LPCAT2: variants seen among roughly 807,000 people sequenced by gnomAD.
LPCAT2 encodes lysophosphatidylcholine acyltransferase 2, also known as 1-AGP acyltransferase 11.
In LPCAT2, 58 loss-of-function variants were observed where a neutral mutation model predicts 64.7. The ratio of observed to expected loss-of-function variants is 0.90; its 90% confidence interval spans 0.73 to 1.12. The LOEUF is 1.12. Among genes scored for constraint, LPCAT2 ranks in the 50% most tolerant of loss-of-function variants. The pLI is 0.00. For missense variants in LPCAT2, 579 were observed against 669.8 expected (o/e 0.86, Z 1.50); for synonymous variants, 252 against 245.3 (o/e 1.03, Z -0.26).
chr16:55,561,006 C>G (rs776686081), intron 11 of LPCAT2, among the ~76,000 whole-genome samples: 44 of 152,032 alleles, frequency 2.9e-4, no homozygotes, highest in Non-Finnish European at 5.6e-4. Context: ...CCTAGGCAAG[C>G]ACCAATCAAC....
intron 1 of LPCAT2, among the ~76,000 whole-genome samples, chr16:55,520,405 GAAATAAATA>G (rs1963078694): frequency 6.6e-6 from 1 of 151,946 alleles, no homozygotes; most frequent in African/African-American, 2.4e-5. Flanking sequence ...ACTAAACAAA[GAAATAAATA>G]AAACATAATT....
At chr16:55,565,325 T>C (rs1963681788) in intron 11 of LPCAT2, among the ~76,000 whole-genome samples, 1 of 151,974 alleles carries the variant, frequency 6.6e-6, no homozygotes, top group Admixed American at 6.6e-5. Context: ...AAAAATAGAA[T>C]TATCATATGA....
In LPCAT2 at chr16:55,583,148, A is replaced by T; in HGVS notation, c.*50A>T. On this transcript the variant is annotated 3_prime_UTR_variant, in exon 14 of 14. Transcript: ENST00000262134. Reference sequence around the variant, plus strand: ...CACAGTAGCTTTTGCTTGAAATTGTAAAGGCACTTATTGATAATACTTTTA... The same window carrying T: ...CACAGTAGCTTTTGCTTGAAATTGTTAAGGCACTTATTGATAATACTTTTA... 3 of 1,396,864 alleles carry T rather than the reference A, an allele frequency of 2.1e-6. No individual in the cohort carries two copies. Among genetic ancestry groups the T allele is most frequent in the Non-Finnish European group, 3.0e-6 (3 of 1,014,790 alleles). The allele number at this position is 1,396,864 out of a possible 1,614,324, so 86.5% of individuals were successfully genotyped here. A position where few individuals can be genotyped will look rare whatever the true frequency, so the allele number is the denominator to read the frequency against.
intron 10 of LPCAT2, among the ~76,000 whole-genome samples, chr16:55,549,840 T>G (rs1452716006): frequency 2.0e-5 from 3 of 152,212 alleles, no homozygotes; most frequent in African/African-American, 7.2e-5. Flanking sequence ...AGATCTGCCT[T>G]TTTTTCTGGA....
At chr16:55,578,738 G>C (rs1299346383) in intron 12 of LPCAT2, among the ~76,000 whole-genome samples, 4 of 152,090 alleles carry the variant, frequency 2.6e-5, no homozygotes, top group African/African-American at 7.2e-5. Flanking sequence ...CTCCTGACTG[G>C]AGCCCCAGGC....
At chr16:55,580,096 A>C (rs1963872509) in intron 13 of LPCAT2, among the ~76,000 whole-genome samples, 1 of 152,132 alleles carries the variant, frequency 6.6e-6, no homozygotes, top group Admixed American at 6.6e-5. Context: ...GGCTGGATGG[A>C]GACTCCTCTT....
intron 9 of LPCAT2, among the ~76,000 whole-genome samples, chr16:55,546,857 G>A (rs1280310149): frequency 6.6e-6 from 1 of 151,972 alleles, no homozygotes; most frequent in Non-Finnish European, 1.5e-5. Context: ...ATTAGAAATT[G>A]AGAGAACTGG....
At chr16:55,567,636 T>G (rs2142414316) in intron 11 of LPCAT2, 2 of 881,276 alleles carry the variant, frequency 2.3e-6, no homozygotes, top group East Asian at 2.5e-5. Flanking sequence ...TACATATTTC[T>G]GATCATGTGC....
At chr16:55,567,940 G>A (rs904827613) in intron 11 of LPCAT2, among the ~76,000 whole-genome samples, 19 of 152,112 alleles carry the variant, frequency 1.2e-4, no homozygotes, top group Non-Finnish European at 2.5e-4. Flanking sequence ...AAGTTGAGGA[G>A]AGAGGTTCAA....
chr16:55,522,790 T>C (rs1473970187), intron 1 of LPCAT2, among the ~76,000 whole-genome samples: 4 of 151,584 alleles, frequency 2.6e-5, no homozygotes, highest in Admixed American at 2.0e-4. Context: ...CCATACTGCA[T>C]ACCACACAAA....
At chr16:55,562,136 A>G (rs1963643536) in intron 11 of LPCAT2, among the ~76,000 whole-genome samples, 1 of 151,856 alleles carries the variant, frequency 6.6e-6, no homozygotes, top group African/African-American at 2.4e-5. Flanking sequence ...CCCCCTTCCA[A>G]TCTGATTCCA....
chr16:55,535,455 T>G (rs1272710461), intron 7 of LPCAT2, among the ~76,000 whole-genome samples: 1 of 152,216 alleles, frequency 6.6e-6, no homozygotes, highest in East Asian at 1.9e-4. Flanking sequence ...TTAACACATA[T>G]GAAACACTTA....
chr16:55,559,508 C>T lies in LPCAT2; in HGVS notation c.1215+8406C>T, dbSNP rs115348664. ...GTGCCAATAATAACAAACATCCTTGCCTGCCCCTTCCTGTTACAGAATGTA... is the reference window on the plus strand; with the variant it reads ...GTGCCAATAATAACAAACATCCTTGTCTGCCCCTTCCTGTTACAGAATGTA... On this transcript the variant is annotated intron_variant, in intron 11 of 13. Coordinates refer to ENST00000262134, the MANE Select transcript of LPCAT2 (RefSeq NM_017839.5). Among the ~76,000 whole-genome samples, 600 of 152,224 alleles carry T rather than the reference C, an allele frequency of 3.9e-3. 3 individuals carry two copies. Among genetic ancestry groups the T allele is most frequent in the African/African-American group, 0.013 (543 of 41,542 alleles).
In LPCAT2 at chr16:55,525,596, C is replaced by T; in HGVS notation, c.260C>T (p.Ser87Leu). The T allele has an allele frequency of 6.2e-7, 1 of 1,612,276 alleles. No homozygotes were observed. The highest frequency in any genetic ancestry group is 8.5e-7 in the Non-Finnish European group (1 of 1,179,006). The change falls in exon 2 of 14, where the codon TCA (serine) becomes TTA (leucine). Residue 87 changes from serine to leucine, a missense_variant. Physicochemically the swap from Ser to Leu is moderately radical, Grantham distance 145. Coordinates refer to ENST00000262134, the MANE Select transcript of LPCAT2 (RefSeq NM_017839.5). Reference protein sequence around the residue: ...LLLAWPFAAISTVCCPEKLTH... With the variant: ...LLLAWPFAAILTVCCPEKLTH... ...CTTGCATGGCCATTTGCTGCAATTT[C>T]AACAGTATGCTGTCCTGAAAAGCTG...
intron 1 of LPCAT2, among the ~76,000 whole-genome samples, chr16:55,510,691 TG>T (rs1166052271): frequency 2.0e-5 from 3 of 152,142 alleles, no homozygotes; most frequent in Non-Finnish European, 4.4e-5. Flanking sequence ...AATACTGCTT[TG>T]TGAGGAAATT....
At position 55,532,856 on chromosome 16, in the gene LPCAT2, GTCC is replaced by G; in HGVS notation, c.742_744del (p.Leu248del). The G allele has an allele frequency of 6.2e-7, 1 of 1,612,104 alleles. No individual in the cohort carries two copies. Among genetic ancestry groups the G allele is most frequent in the Non-Finnish European group, 8.5e-7 (1 of 1,178,718 alleles). ...CATTCCAGGAGTTCCAGTGCAGCCAGTCCTCCTCAGATACCCAAACAAGCTGGT... is the reference window on the plus strand; with the variant it reads ...CATTCCAGGAGTTCCAGTGCAGCCAGTCCTCAGATACCCAAACAAGCTGGT... On this transcript the variant is annotated inframe_deletion, in exon 6 of 14. Coordinates refer to ENST00000262134, the MANE Select transcript of LPCAT2 (RefSeq NM_017839.5).
intron 11 of LPCAT2, among the ~76,000 whole-genome samples, chr16:55,570,701 T>G (rs1487390109): frequency 6.6e-6 from 1 of 152,212 alleles, no homozygotes; most frequent in African/African-American, 2.4e-5. Context: ...AGTATGGATA[T>G]CTAATGTGCC....
chr16:55,570,252 G>A (rs577293085), intron 11 of LPCAT2, among the ~76,000 whole-genome samples: 5 of 152,190 alleles, frequency 3.3e-5, no homozygotes, highest in Non-Finnish European at 5.9e-5. Context: ...GATCTTAAAG[G>A]TCACTTTAAA....
chr16:55,530,374 A>T (rs1308069056), intron 4 of LPCAT2, among the ~76,000 whole-genome samples: 3 of 152,048 alleles, frequency 2.0e-5, no homozygotes, highest in African/African-American at 7.2e-5. Flanking sequence ...AAGATCTTTA[A>T]TCTCACCTGA....
Sources: allele counts gnomAD v4.1 joint callset (sites outside exome capture counted in the v4.1 genomes callset), GRCh38; gene constraint gnomAD v4.1.1; transcripts MANE v1.5; gene names NCBI Gene and HGNC (gene_info 2026-07-23, HGNC 2026-07-21).